INO80E: variants seen among roughly 807,000 people sequenced by gnomAD.
The protein encoded by INO80E is coiled-coil domain containing 95.
INO80E carries 20 observed loss-of-function variants against 27.3 expected under a neutral mutation model. That is an observed-to-expected ratio of 0.73 (90% CI 0.51 to 1.06). The LOEUF is 1.06. Among genes scored for constraint, INO80E ranks in the 50% least tolerant of loss-of-function variants. The pLI is 0.00. For missense variants in INO80E, 357 were observed against 322.8 expected (o/e 1.11, Z -0.81); for synonymous variants, 167 against 145.9 (o/e 1.14, Z -1.04).
rs776586294 is a variant in INO80E, at chr16:30,005,424, G to A, written c.717G>A (p.Val239=). ...CCTTGGATGGAGACGATGACCTGGT[G>A]ATCGACATCCCGGAGTGACCGTGAC... ...DDALDGDDDL[V]IDIPE Residue 239 remains valine (V), a synonymous_variant, in exon 7 of 7, where the codon GTG becomes GTA. Coordinates refer to ENST00000563197, the MANE Select transcript of INO80E (RefSeq NM_173618.3). The A allele has an allele frequency of 2.5e-6, 4 of 1,602,396 alleles. No individual in the cohort carries two copies. Among genetic ancestry groups the A allele is most frequent in the Non-Finnish European group, 3.4e-6 (4 of 1,174,914 alleles).
In INO80E at chr16:30,005,226, G is replaced by T; in HGVS notation, c.519G>T (p.Ala173=). 7.0e-7 allele frequency: 1 copy of T among 1,437,432 alleles called. No individual in the cohort carries two copies. Among genetic ancestry groups the T allele is most frequent in the Non-Finnish European group, 9.1e-7 (1 of 1,099,314 alleles). 89.0% of individuals were successfully genotyped at this position (1,437,432 alleles called of 1,614,324 possible). ...GTTTCTTCCCCCTGCTGCAGATGGC[G>T]GTGGGACCCCCCGACTGCCCTGTGG... The part of the protein sequence containing the change: ...RPRLPRKLKM[A]VGPPDCPVGG... The change falls in exon 7 of 7, where the codon GCG becomes GCT. Residue 173 remains alanine (A), a synonymous_variant. Transcript: ENST00000563197.
chr16:30,004,246 C>G (rs1470204605), intron 6 of INO80E: 1 of 152,460 alleles, frequency 6.6e-6, no homozygotes, highest in East Asian at 1.9e-4. Context: ...TTTCCCGCCC[C>G]CCAGTGTCCT....
intron 3 of INO80E, among the ~76,000 whole-genome samples, chr16:29,998,819 G>T (rs980775560): frequency 4.6e-5 from 7 of 152,208 alleles, no homozygotes; most frequent in African/African-American, 1.7e-4. Flanking sequence ...GCCGAGGCAG[G>T]CAGATCACGA....
Position 30,005,308 on chromosome 16 carries a change from ACCCCCCTCCCACCCCCTAAGAT to A in INO80E, c.602_623del (p.Thr201SerfsTer7). The A allele has an allele frequency of 1.9e-6, 1 of 521,320 alleles. No individual in the cohort carries two copies. The highest frequency in any genetic ancestry group is 3.0e-6 in the Non-Finnish European group (1 of 335,724). 32.3% of individuals were successfully genotyped at this position (521,320 alleles called of 1,614,324 possible). ...TGGGGCTGGGGTCGGGACAACCCTGACCCCCCTCCCACCCCCTAAGATGCCCCCCCCCACGATCCTGAGCACG... is the reference window on the plus strand; with the variant it reads ...TGGGGCTGGGGTCGGGACAACCCTGAGCCCCCCCCCACGATCCTGAGCACG... On this transcript the variant is annotated frameshift_variant, in exon 7 of 7. Coordinates refer to ENST00000563197, the MANE Select transcript of INO80E (RefSeq NM_173618.3). LOFTEE classifies it high-confidence loss of function.
Position 30,005,306 on chromosome 16 carries a change from T to A in INO80E, c.599T>A (p.Leu200Gln). Residue 200 changes from leucine to glutamine, a missense_variant, in exon 7 of 7, where the codon CTG becomes CAG. Coordinates refer to ENST00000563197, the MANE Select transcript of INO80E (RefSeq NM_173618.3). ...RGSGAGVGTTLTPLPPPKMPP... is the reference protein window; with the variant it reads ...RGSGAGVGTTQTPLPPPKMPP... ...TCTGGGGCTGGGGTCGGGACAACCCTGACCCCCCTCCCACCCCCTAAGATG... is the reference window on the plus strand; with the variant it reads ...TCTGGGGCTGGGGTCGGGACAACCCAGACCCCCCTCCCACCCCCTAAGATG... The A allele has an allele frequency of 7.0e-7, 1 of 1,423,322 alleles. No homozygotes were observed. The highest frequency in any genetic ancestry group is 3.5e-5 in the Admixed American group (1 of 28,746). The allele number at this position is 1,423,322 out of a possible 1,614,324, so 88.2% of individuals were successfully genotyped here. A position where few individuals can be genotyped will look rare whatever the true frequency, so the allele number is the denominator to read the frequency against.
Position 30,001,399 on chromosome 16 carries a change from C to G in INO80E, c.397-15C>G, listed in dbSNP as rs374713744. 3.2e-6 allele frequency: 5 copies of G among 1,572,962 alleles called. No individual in the cohort carries two copies. The highest frequency in any genetic ancestry group is 1.3e-5 in the African/African-American group (1 of 74,088). Reference sequence around the variant, plus strand: ...CCATTCCGCCTCCCATCTCCATCCCCGCTCCCGCCCGCAGCTGGCCTCCTC... The same window carrying G: ...CCATTCCGCCTCCCATCTCCATCCCGGCTCCCGCCCGCAGCTGGCCTCCTC... On this transcript the variant is annotated splice_polypyrimidine_tract_variant and intron_variant, in intron 5 of 6. Coordinates refer to ENST00000563197, the MANE Select transcript of INO80E (RefSeq NM_173618.3).
Position 30,000,980 on chromosome 16 carries a change from G to A in INO80E, c.336G>A (p.Leu112=). 1 of 1,565,884 alleles carries A rather than the reference G, an allele frequency of 6.4e-7. No homozygotes were observed. The highest frequency in any genetic ancestry group is 8.7e-7 in the Non-Finnish European group (1 of 1,154,146). ...GGAPSPSSLS[L]PPSTGFPLQA... ...CCCCCTCTCCCTCCAGCCTCTCCCT[G>A]CCTCCTTCAACAGGGTTTCCCCTTC... Residue 112 remains leucine (L), a synonymous_variant, in exon 5 of 7, where the codon CTG becomes CTA. Transcript: ENST00000563197.
chr16:30,000,292 G>A (rs1177855325), intron 3 of INO80E, among the ~76,000 whole-genome samples: 2 of 152,158 alleles, frequency 1.3e-5, no homozygotes, highest in African/African-American at 4.8e-5. Flanking sequence ...GCCTCCCTGG[G>A]ACAGCTCGAG....
In INO80E at chr16:30,000,822, A is replaced by G. The variant is rs200096036; in HGVS notation, c.270A>G (p.Thr90=). The change falls in exon 4 of 7, where the codon ACA becomes ACG. Residue 90 remains threonine, a synonymous_variant. Coordinates refer to ENST00000563197, the MANE Select transcript of INO80E (RefSeq NM_173618.3). Reference sequence around the variant, plus strand: ...AGGGGACACCCAAGTTGTCTGACACACCGGCCCCTAAGAGGTGAGAAGAAG... The same window carrying G: ...AGGGGACACCCAAGTTGTCTGACACGCCGGCCCCTAAGAGGTGAGAAGAAG... ...ETEGTPKLSD[T]PAPKRKRSPP... is the part of the protein sequence containing the mutation. The G allele has an allele frequency of 3.7e-6, 6 of 1,614,166 alleles. No homozygotes were observed. Among genetic ancestry groups the G allele is most frequent in the Non-Finnish European group, 4.2e-6 (5 of 1,179,990 alleles).
intron 3 of INO80E, among the ~76,000 whole-genome samples, chr16:29,999,950 G>A (rs1410184310): frequency 2.0e-5 from 3 of 152,066 alleles, no homozygotes; most frequent in South Asian, 2.1e-4. Context: ...ATGAAGGGGA[G>A]GACTTCAGGG....
chr16:29,996,540 G>A lies in INO80E; in HGVS notation c.82-7G>A. The A allele has an allele frequency of 6.4e-7, 1 of 1,562,494 alleles. No homozygotes were observed. The highest frequency in any genetic ancestry group is 8.7e-7 in the Non-Finnish European group (1 of 1,153,248). ...TTGGCCCAGCGCACCCCTTGCCCGT[G>A]ATACAGGAGCACGAGTGCTTCCAGG... On this transcript the variant is annotated splice_region_variant and splice_polypyrimidine_tract_variant and intron_variant, in intron 1 of 6. Transcript: ENST00000563197.
Position 30,005,281 on chromosome 16 carries a change from T to C in INO80E, c.574T>C (p.Ser192Pro). ...GCCGCTGACCTTCCCTGGCCGGGGT[T>C]CTGGGGCTGGGGTCGGGACAACCCT... Reference protein sequence around the residue: ...GGPLTFPGRGSGAGVGTTLTP... With the variant: ...GGPLTFPGRGPGAGVGTTLTP... Residue 192 changes from serine (S) to proline (P), a missense_variant, in exon 7 of 7, where the codon TCT becomes CCT. By Grantham distance (74) the Ser-to-Pro change is moderately conservative. Transcript: ENST00000563197. 1.3e-6 allele frequency: 2 copies of C among 1,484,064 alleles called. No homozygotes were observed. The highest frequency in any genetic ancestry group is 2.6e-5 in the Admixed American group (1 of 38,240). 91.9% of individuals were successfully genotyped at this position (1,484,064 alleles called of 1,614,324 possible).
In INO80E at chr16:29,996,275, G is replaced by C; in HGVS notation, c.-36G>C. 6.4e-7 allele frequency: 1 copy of C among 1,556,076 alleles called. No homozygotes were observed. The highest frequency in any genetic ancestry group is 8.7e-7 in the Non-Finnish European group (1 of 1,148,502). On this transcript the variant is annotated 5_prime_UTR_variant, in exon 1 of 7. Transcript: ENST00000563197. ...ACGGCAGCCACTGCTTGGGGTAGCG[G>C]GAGGGCAGACTCTGGGCGCCACTCC... is the stretch of plus-strand genomic sequence containing the variant.
At chr16:29,998,731 CCT>C (rs1324332292) in intron 3 of INO80E, among the ~76,000 whole-genome samples, 1 of 152,174 alleles carries the variant, frequency 6.6e-6, no homozygotes, top group African/African-American at 2.4e-5. Context: ...CGTAGAATCA[CCT>C]CTCTCCGTGG....
At chr16:30,004,322 CAA>C (rs1394670932) in intron 6 of INO80E, 1 of 152,432 alleles carries the variant, frequency 6.6e-6, no homozygotes, top group Non-Finnish European at 1.5e-5. Context: ...TGCCCACAGA[CAA>C]AGCACGGGGA....
chr16:29,996,535 C>T lies in INO80E; in HGVS notation c.82-12C>T. On this transcript the variant is annotated splice_polypyrimidine_tract_variant and intron_variant, in intron 1 of 6. Coordinates refer to ENST00000563197, the MANE Select transcript of INO80E (RefSeq NM_173618.3). ...GACCGTTGGCCCAGCGCACCCCTTGCCCGTGATACAGGAGCACGAGTGCTT... is the reference window on the plus strand; with the variant it reads ...GACCGTTGGCCCAGCGCACCCCTTGTCCGTGATACAGGAGCACGAGTGCTT... 1 of 1,560,538 alleles carries T rather than the reference C, an allele frequency of 6.4e-7. No individual in the cohort carries two copies. The highest frequency in any genetic ancestry group is 8.7e-7 in the Non-Finnish European group (1 of 1,152,118).
At chr16:29,997,395 A>G (rs1367686120) in intron 3 of INO80E, among the ~76,000 whole-genome samples, 1 of 151,524 alleles carries the variant, frequency 6.6e-6, no homozygotes, top group Non-Finnish European at 1.5e-5. Context: ...TGAAATTTGA[A>G]TTTCATATTT....
chr16:29,997,954 T>C (rs1486868377), intron 3 of INO80E, among the ~76,000 whole-genome samples: 1 of 151,338 alleles, frequency 6.6e-6, no homozygotes, highest in East Asian at 2.0e-4. Flanking sequence ...TAGTGGTGTA[T>C]ACATGTGGTC....
At chr16:29,998,007 A>G (rs1458953942) in intron 3 of INO80E, among the ~76,000 whole-genome samples, 3 of 151,968 alleles carry the variant, frequency 2.0e-5, no homozygotes, top group Non-Finnish European at 4.4e-5. Context: ...CCTTGCCTGA[A>G]AGGTCAAGGC....
Sources: allele counts gnomAD v4.1 joint callset (sites outside exome capture counted in the v4.1 genomes callset), GRCh38; gene constraint gnomAD v4.1.1; transcripts MANE v1.5; gene names NCBI Gene and HGNC (gene_info 2026-07-23, HGNC 2026-07-21).